The following TRIO variants were observed in gnomAD, a reference collection of about 807,000 sequenced individuals.
TRIO encodes trio Rho guanine nucleotide exchange factor, also known as triple functional domain protein.
In TRIO, 58 loss-of-function variants were observed where a neutral mutation model predicts 351.9. That is an observed-to-expected ratio of 0.16 (90% confidence interval 0.13 to 0.21). The LOEUF (loss-of-function observed/expected upper bound fraction) is 0.21, where lower values mean the gene tolerates loss of function less well. Among genes scored for constraint, TRIO ranks in the 10% least tolerant of loss-of-function variants. The pLI is 1.00. For missense variants in TRIO, 3,201 were observed against 4,027.8 expected, an observed-to-expected ratio of 0.79 and a Z score of 5.56; for synonymous variants, 1,758 against 1,595.7, an observed-to-expected ratio of 1.10 and a Z score of -2.42.
intron 1 of TRIO, among the ~76,000 whole-genome samples, chr5:14,219,237 ATT>A (rs144007605): frequency 0.83 from 124,842 of 151,174 alleles, 51,811 homozygotes; most frequent in East Asian, 0.99. Flanking sequence ...TTTTTCTATA[ATT>A]TTTTTTTTTT....
Position 14,482,017 on chromosome 5 carries a change from A to G in TRIO, c.6465+399A>G, listed in dbSNP as rs142695810. ...TGATACTTCCTCATTAGTTTAAGAT[A>G]TGTTTGCATGAGTTGCTAGACTATT... On this transcript the variant is annotated intron_variant, in intron 45 of 56. Transcript: ENST00000344204. Among the ~76,000 whole-genome samples, 4 of 152,160 alleles carry G rather than the reference A, an allele frequency of 2.6e-5. No individual in the cohort carries two copies. In the East Asian group the frequency reaches 7.7e-4, roughly 29 times the overall value.
At chr5:14,332,079 G>C (rs1043156622) in intron 10 of TRIO, among the ~76,000 whole-genome samples, 2 of 152,222 alleles carry the variant, frequency 1.3e-5, no homozygotes, top group African/African-American at 2.4e-5. Flanking sequence ...TGAGAGCACA[G>C]AAGGTATCTT....
chr5:14,478,983 A>C (rs1354220635), intron 41 of TRIO, among the ~76,000 whole-genome samples: 1 of 151,550 alleles, frequency 6.6e-6, no homozygotes. Context: ...CAACAAAAAA[A>C]TGTTCTTTTG....
At chr5:14,350,294 C>G (rs1409472693) in intron 11 of TRIO, among the ~76,000 whole-genome samples, 2 of 152,210 alleles carry the variant, frequency 1.3e-5, no homozygotes, top group Non-Finnish European at 2.9e-5. Context: ...TGTGGCTGCT[C>G]TCCAAATGAC....
At chr5:14,448,951 G>A (rs1752642891) in intron 34 of TRIO, among the ~76,000 whole-genome samples, 3 of 152,132 alleles carry the variant, frequency 2.0e-5, no homozygotes, top group African/African-American at 7.2e-5. Flanking sequence ...ATATATTTTA[G>A]GGGCTGGCTT....
At chr5:14,474,202 T>G in intron 40 of TRIO, 105 bp downstream of exon 40, 1 of 1,083,746 alleles carries the variant, frequency 9.2e-7, no homozygotes, top group Non-Finnish European at 1.4e-6. Flanking sequence ...GTATTACCTG[T>G]GTAGCCTCCT....
At chr5:14,204,793 C>T (rs1365769461) in intron 1 of TRIO, among the ~76,000 whole-genome samples, 1 of 152,142 alleles carries the variant, frequency 6.6e-6, no homozygotes, top group African/African-American at 2.4e-5. Flanking sequence ...AGTGCCTTCC[C>T]CTCTTTGACT....
At chr5:14,189,813 C>G (rs1790350911) in intron 1 of TRIO, among the ~76,000 whole-genome samples, 2 of 151,856 alleles carry the variant, frequency 1.3e-5, no homozygotes, top group African/African-American at 4.8e-5. Flanking sequence ...TTACTGCAGC[C>G]TTTGCATCCT....
intron 34 of TRIO, among the ~76,000 whole-genome samples, chr5:14,440,554 ACTC>A (rs1751945674): frequency 6.6e-6 from 1 of 151,786 alleles, no homozygotes; most frequent in Non-Finnish European, 1.5e-5. Context: ...TTTCCTAAAA[ACTC>A]CTTATAGTTC....
intron 1 of TRIO, among the ~76,000 whole-genome samples, chr5:14,245,341 T>C (rs962881039): frequency 6.6e-6 from 1 of 152,212 alleles, no homozygotes; most frequent in African/African-American, 2.4e-5. Flanking sequence ...TCTTCTTGAA[T>C]GTGTGTGATA....
rs769398103 is a variant in TRIO, at chr5:14,487,684, G to A, written c.7056G>A (p.Leu2352=). ...CTGTCCGACACCACCCCCCCGTGCTGGTCTCCTCTGCAGCCTCGAGCCAGG... is the reference window on the plus strand; with the variant it reads ...CTGTCCGACACCACCCCCCCGTGCTAGTCTCCTCTGCAGCCTCGAGCCAGG... ...PQPVRHHPPV[L]VSSAASSQAE... is the part of the protein sequence containing the mutation. Residue 2352 remains leucine (L), a synonymous_variant, in exon 48 of 57, where the codon CTG becomes CTA. Coordinates refer to ENST00000344204, the MANE Select transcript of TRIO (RefSeq NM_007118.4). The A allele has an allele frequency of 6.8e-5, 96 of 1,421,564 alleles. No individual in the cohort carries two copies. Among genetic ancestry groups the A allele is most frequent in the Non-Finnish European group, 7.6e-5 (82 of 1,076,878 alleles). 88.1% of individuals were successfully genotyped at this position (1,421,564 alleles called of 1,614,324 possible). A position where few individuals can be genotyped will look rare whatever the true frequency, so the allele number is the denominator to read the frequency against.
intron 30 of TRIO, chr5:14,399,440 T>C: frequency 3.4e-6 from 1 of 292,424 alleles, no homozygotes; most frequent in East Asian, 5.8e-5. Flanking sequence ...ACCATAAACA[T>C]TGGAGTATAT....
At chr5:14,186,336 A>G (rs1790109349) in intron 1 of TRIO, among the ~76,000 whole-genome samples, 2 of 152,162 alleles carry the variant, frequency 1.3e-5, no homozygotes, top group South Asian at 4.1e-4. Flanking sequence ...AGTGGATATT[A>G]AAGAACTCCA....
At chr5:14,183,758 G>T in intron 1 of TRIO, 1 of 510,540 alleles carries the variant, frequency 2.0e-6, no homozygotes, top group South Asian at 2.3e-5. Flanking sequence ...GGGAAGGCAT[G>T]CGGCCGCAGT....
Position 14,377,943 on chromosome 5 carries a change from G to C in TRIO, c.3332-69G>C, listed in dbSNP as rs1745714007. 3.3e-6 allele frequency: 4 copies of C among 1,196,804 alleles called. No individual in the cohort carries two copies. The East Asian group carries it at 1.0e-4, about 30-fold the overall frequency. The allele number at this position is 1,196,804 out of a possible 1,614,324, so 74.1% of individuals were successfully genotyped here. A position where few individuals can be genotyped will look rare whatever the true frequency, so the allele number is the denominator to read the frequency against. ...TTTGCATAAAAGTCTAAATAAAAAT[G>C]AATGGAATTTCGCGGTTGTTTTAAT... On this transcript the variant is annotated intron_variant, in intron 19 of 56. Coordinates refer to ENST00000344204, the MANE Select transcript of TRIO (RefSeq NM_007118.4).
At chr5:14,482,880 T>C (rs747797821) in intron 46 of TRIO, 107 bp downstream of exon 46, 5 of 1,154,574 alleles carry the variant, frequency 4.3e-6, no homozygotes, top group East Asian at 5.5e-5. Context: ...GTTTAAGTAT[T>C]TGAGAATTTT....
At chr5:14,457,534 A>C (rs946429088) in intron 34 of TRIO, among the ~76,000 whole-genome samples, 1 of 152,122 alleles carries the variant, frequency 6.6e-6, no homozygotes, top group Non-Finnish European at 1.5e-5. Context: ...CACAGAGAGA[A>C]GCTGGGGAAT....
chr5:14,438,793 C>CG (rs1201432933), intron 34 of TRIO, among the ~76,000 whole-genome samples: 3 of 152,226 alleles, frequency 2.0e-5, no homozygotes, highest in African/African-American at 7.2e-5. Context: ...CCGCTGGTTC[C>CG]GCGTTTCTGT....
At chr5:14,443,556 A>T (rs940343623) in intron 34 of TRIO, among the ~76,000 whole-genome samples, 1 of 152,216 alleles carries the variant, frequency 6.6e-6, no homozygotes, top group African/African-American at 2.4e-5. Context: ...GAAATCACTG[A>T]GTGTGATTGC....
Sources: gnomAD v4.1 joint callset for allele counts (sites outside exome capture counted in the v4.1 genomes callset) on GRCh38, gnomAD v4.1.1 for gene constraint, MANE v1.5 for transcripts, NCBI Gene and HGNC (gene_info 2026-07-23, HGNC 2026-07-21) for gene names.